Variants in NCAM1 observed in about 807,000 individuals in gnomAD.
NCAM1 encodes the protein antigen recognized by monoclonal antibody 5.1H11.
A neutral mutation model predicts 109.8 loss-of-function variants in NCAM1; 14 were observed. The ratio of observed to expected loss-of-function variants is 0.13; its 90% CI spans 0.08 to 0.20. The LOEUF is 0.20. Among genes scored for constraint, NCAM1 ranks in the 10% least tolerant of loss-of-function variants. The probability of loss-of-function intolerance (pLI) is 1.00; values close to 1 mark genes in which losing one functional copy is unlikely to be tolerated. For synonymous variants in NCAM1, 418 were observed against 442.9 expected (o/e 0.94, Z 0.70); for missense variants, 774 against 1,109.9 (o/e 0.70, Z 4.30).
chr11:112,990,074 G>A (rs1342393192), intron 1 of NCAM1, among the ~76,000 whole-genome samples: 1 of 152,180 alleles, frequency 6.6e-6, no homozygotes, highest in African/African-American at 2.4e-5. Flanking sequence ...CCTGTTACCA[G>A]GTGGTTTAGT....
At chr11:113,253,912 T>C (rs782599608) in intron 15 of NCAM1, among the ~76,000 whole-genome samples, 1 of 152,218 alleles carries the variant, frequency 6.6e-6, no homozygotes, top group African/African-American at 2.4e-5. Flanking sequence ...GATGTTGAAC[T>C]TGCAGTGCTA....
intron 1 of NCAM1, among the ~76,000 whole-genome samples, chr11:113,095,314 G>A (rs536932025): frequency 2.0e-5 from 3 of 152,142 alleles, no homozygotes; most frequent in African/African-American, 2.4e-5. Flanking sequence ...GTAATAGAAT[G>A]CGTGTGTGTG....
intron 1 of NCAM1, among the ~76,000 whole-genome samples, chr11:113,149,638 A>G (rs1414813473): frequency 2.0e-5 from 3 of 152,242 alleles, no homozygotes; most frequent in Admixed American, 2.0e-4. Flanking sequence ...TTCTTTAATT[A>G]CAAATAGTGA....
chr11:113,002,874 T>C (rs1951793049), intron 1 of NCAM1, among the ~76,000 whole-genome samples: 1 of 152,242 alleles, frequency 6.6e-6, no homozygotes, highest in Non-Finnish European at 1.5e-5. Flanking sequence ...CATACTGCTT[T>C]TAATAAGTTA....
chr11:113,275,814 C>G lies in NCAM1; in HGVS notation c.*427C>G, dbSNP rs1222462306. The G allele has an allele frequency of 6.4e-6, 1 of 156,726 alleles. No homozygotes were observed. Among genetic ancestry groups the G allele is most frequent in the East Asian group, 1.9e-4 (1 of 5,310 alleles). 9.7% of individuals were successfully genotyped at this position (156,726 alleles called of 1,614,324 possible). A position where few individuals can be genotyped will look rare whatever the true frequency, so the allele number is the denominator to read the frequency against. ...AGTTTCAGAGAAATACTTTCAGGCA[C>G]TAAGACTAATCGAATGAACAAAGTC... is the stretch of plus-strand genomic sequence containing the variant. On this transcript the variant is annotated 3_prime_UTR_variant, in exon 20 of 20. Transcript: ENST00000316851.
chr11:113,129,596 C>T (rs1941313675), intron 1 of NCAM1, among the ~76,000 whole-genome samples: 1 of 152,044 alleles, frequency 6.6e-6, no homozygotes. Context: ...TCATTTCATC[C>T]ACTGATTAAA....
chr11:113,164,880 C>T, intron 1 of NCAM1, among the ~76,000 whole-genome samples: 1 of 152,154 alleles, frequency 6.6e-6, no homozygotes, highest in East Asian at 1.9e-4. Context: ...AATGCTCCAA[C>T]CTTCTAATCA....
intron 1 of NCAM1, among the ~76,000 whole-genome samples, chr11:113,104,276 G>C (rs1940044653): frequency 6.6e-6 from 1 of 151,396 alleles, no homozygotes; most frequent in Non-Finnish European, 1.5e-5. Flanking sequence ...TTGTTTACAG[G>C]AGTGAAGAGA....
chr11:113,034,465 C>T (rs1555078819), intron 1 of NCAM1, among the ~76,000 whole-genome samples: 1 of 152,146 alleles, frequency 6.6e-6, no homozygotes. Context: ...GGTAGAAAAA[C>T]TCAATATCCA....
intron 1 of NCAM1, among the ~76,000 whole-genome samples, chr11:113,186,201 G>A (rs1051028782): frequency 1.4e-4 from 22 of 152,334 alleles, no homozygotes; most frequent in African/African-American, 3.4e-4. Context: ...CGGGCTGCAC[G>A]GCAGGAGGTG....
intron 7 of NCAM1, among the ~76,000 whole-genome samples, chr11:113,212,000 C>A (rs1555113713): frequency 6.6e-6 from 1 of 152,122 alleles, no homozygotes; most frequent in African/African-American, 2.4e-5. Flanking sequence ...TAATAGAGGG[C>A]AGGGGGTGTA....
intron 1 of NCAM1, among the ~76,000 whole-genome samples, chr11:113,173,585 T>TA (rs1272373735): frequency 2.8e-5 from 2 of 71,332 alleles, no homozygotes; most frequent in Admixed American, 2.3e-4. Flanking sequence ...TATTAGCATG[T>TA]TACCTGATAT....
In NCAM1 at chr11:113,255,948, A is replaced by G; in HGVS notation, c.1900A>G (p.Lys634Glu). The G allele has an allele frequency of 6.2e-7, 1 of 1,609,122 alleles. No individual in the cohort carries two copies. The highest frequency in any genetic ancestry group is 8.5e-7 in the Non-Finnish European group (1 of 1,177,920). The change falls in exon 16 of 20, where the codon AAG becomes GAG. Residue 634 changes from lysine (K) to glutamate (E), a missense_variant. By Grantham distance (56) the Lys-to-Glu change is moderately conservative (BLOSUM62 1). This residue lies in a region of NCAM1 where 523 missense variants were observed against 784.2 expected (regional missense o/e 0.67). Transcript: ENST00000316851. ...DGNSIKVNLI[K>E]QDDGGSPIRH... ...AAACTCTATTAAAGTGAACCTGATCAAGCAGGATGACGGCGGCTCCCCCAT... is the reference window on the plus strand; with the variant it reads ...AAACTCTATTAAAGTGAACCTGATCGAGCAGGATGACGGCGGCTCCCCCAT...
chr11:113,236,260 G>GT, intron 14 of NCAM1: 6 of 1,607,030 alleles, frequency 3.7e-6, no homozygotes, highest in Non-Finnish European at 5.1e-6. Flanking sequence ...TCTGTCTCTT[G>GT]TTTTTTCTTT....
chr11:112,994,715 T>C (rs190397631), intron 1 of NCAM1, among the ~76,000 whole-genome samples: 62 of 152,298 alleles, frequency 4.1e-4, no homozygotes, highest in Non-Finnish European at 2.4e-4. Flanking sequence ...GAGGCTATCT[T>C]GGTTTCTGCA....
chr11:113,240,786 C>T lies in NCAM1; in HGVS notation c.1826-5582C>T, dbSNP rs567125514. 141 of 1,613,312 alleles carry T rather than the reference C, an allele frequency of 8.7e-5. 1 individual carries two copies. The South Asian group carries it at 1.2e-3, about 13-fold the overall frequency. On this transcript the variant is annotated intron_variant, in intron 14 of 19. Coordinates refer to ENST00000316851, the MANE Select transcript of NCAM1 (RefSeq NM_181351.5). ...CCCACCTTCATTTTTCTTTCTTCAG[C>T]GGCATCTGCTAGCTCGTCTACCCCT...
chr11:113,170,414 G>A (rs1443571410), intron 1 of NCAM1, among the ~76,000 whole-genome samples: 1 of 152,214 alleles, frequency 6.6e-6, no homozygotes, highest in Non-Finnish European at 1.5e-5. Context: ...TAAAGGCAGT[G>A]TGCGGTGAAA....
chr11:113,062,035 T>A (rs1184724331), intron 1 of NCAM1, among the ~76,000 whole-genome samples: 1 of 152,222 alleles, frequency 6.6e-6, no homozygotes, highest in Admixed American at 6.5e-5. Flanking sequence ...ACCTTGCAGC[T>A]GTCATCTGCC....
intron 1 of NCAM1, among the ~76,000 whole-genome samples, chr11:113,169,056 G>GTGTGTGTGTC (rs1296092658): frequency 2.7e-5 from 3 of 111,052 alleles, no homozygotes; most frequent in African/African-American, 8.0e-5. Flanking sequence ...GTGTGTGTGT[G>GTGTGTGTGTC]TGTGTGTGTG....
Sources: gnomAD v4.1 joint callset for allele counts (sites outside exome capture counted in the v4.1 genomes callset) on GRCh38, gnomAD v4.1.1 for gene constraint, gnomAD v4.1.1 regional missense constraint, MANE v1.5 for transcripts, NCBI Gene and HGNC (gene_info 2026-07-23, HGNC 2026-07-21) for gene names.